The following UBL3 variants were observed in gnomAD, a reference collection of about 807,000 sequenced individuals.
The protein encoded by UBL3 is ubiquitin like 3, also known as ubiquitin-like protein 3.
A neutral mutation model predicts 18.4 loss-of-function variants in UBL3; 6 were observed. The ratio of observed to expected loss-of-function variants is 0.33; its 90% CI spans 0.18 to 0.64. The LOEUF (loss-of-function observed/expected upper bound fraction) is 0.64, where lower values mean the gene tolerates loss of function less well. Among genes scored for constraint, UBL3 ranks in the 30% least tolerant of loss-of-function variants. The pLI is 0.76. For missense variants in UBL3, 109 were observed against 142.9 expected (o/e 0.76, Z 1.21); for synonymous variants, 49 against 46.6 (o/e 1.05, Z -0.21).
chr13:29,800,157 C>A (rs1319868451), intron 1 of UBL3, among the ~76,000 whole-genome samples: 1 of 152,120 alleles, frequency 6.6e-6, no homozygotes, highest in Admixed American at 6.5e-5. Flanking sequence ...CCGCAAACAC[C>A]CTGCGGTCAA....
In UBL3 at chr13:29,772,211, CA is replaced by C; in HGVS notation, c.137-14del. 1 of 1,604,642 alleles carries C rather than the reference CA, an allele frequency of 6.2e-7. No homozygotes were observed. ...TCTTCTTCCCAGTCTGAAAAGAATC[CA>C]GTGTACTGGTTAGGTATATTCCAAC... On this transcript the variant is annotated splice_polypyrimidine_tract_variant and intron_variant, in intron 2 of 4. Transcript: ENST00000380680.
intron 1 of UBL3, among the ~76,000 whole-genome samples, chr13:29,815,838 T>C (rs1878263229): frequency 1.3e-5 from 2 of 152,208 alleles, no homozygotes; most frequent in African/African-American, 4.8e-5. Context: ...CATACAGGTC[T>C]ATCTTAGCTT....
intron 1 of UBL3, among the ~76,000 whole-genome samples, chr13:29,792,136 A>C (rs1011190709): frequency 6.6e-6 from 1 of 152,254 alleles, no homozygotes; most frequent in African/African-American, 2.4e-5. Flanking sequence ...TAATACTTTG[A>C]AAGGATGAAT....
chr13:29,781,598 T>C (rs1018981964), intron 1 of UBL3, among the ~76,000 whole-genome samples: 2 of 151,898 alleles, frequency 1.3e-5, no homozygotes, highest in East Asian at 3.9e-4. Context: ...GGAACGCTGA[T>C]AATAGGGGAG....
chr13:29,790,358 C>A (rs1300834026), intron 1 of UBL3, among the ~76,000 whole-genome samples: 1 of 152,146 alleles, frequency 6.6e-6, no homozygotes, highest in Non-Finnish European at 1.5e-5. Context: ...TCCTTTTAAA[C>A]CTGTGTCTAT....
chr13:29,824,172 G>T (rs1878554714), intron 1 of UBL3, among the ~76,000 whole-genome samples: 1 of 152,168 alleles, frequency 6.6e-6, no homozygotes, highest in African/African-American at 2.4e-5. Flanking sequence ...GAACATACAT[G>T]TGCATGTGTC....
chr13:29,767,145 G>A lies in UBL3; in HGVS notation c.*110C>T. The A allele has an allele frequency of 9.3e-7, 1 of 1,078,120 alleles. No homozygotes were observed. The highest frequency in any genetic ancestry group is 1.4e-6 in the Non-Finnish European group (1 of 738,738). The allele number at this position is 1,078,120 out of a possible 1,614,324, so 66.8% of individuals were successfully genotyped here. On this transcript the variant is annotated 3_prime_UTR_variant, in exon 5 of 5. Transcript: ENST00000380680. ...TGTTCATGTGGTAATTCAGTTCCAT[G>A]TGTTTACAGGCAGACTGTTCTGAAC...
At chr13:29,841,063 A>G (rs4769777) in intron 1 of UBL3, among the ~76,000 whole-genome samples, 49,118 of 152,042 alleles carry the variant, frequency 0.32, 9,755 homozygotes, top group Non-Finnish European at 0.43. Context: ...GTAAAGAAAA[A>G]CATATATCAT....
chr13:29,815,420 T>C (rs1377998408), intron 1 of UBL3, among the ~76,000 whole-genome samples: 1 of 152,194 alleles, frequency 6.6e-6, no homozygotes, highest in Non-Finnish European at 1.5e-5. Context: ...CCACCTACCA[T>C]AGATCAAAGA....
In UBL3 at chr13:29,774,737, C is replaced by T. The variant is rs182612487; in HGVS notation, c.136+2418G>A. Among the ~76,000 whole-genome samples the T allele has an allele frequency of 5.5e-3, 824 of 151,086 alleles. 8 individuals carry two copies. The highest frequency in any genetic ancestry group is 0.018 in the African/African-American group (754 of 41,138). On this transcript the variant is annotated intron_variant, in intron 2 of 4. Coordinates refer to ENST00000380680, the MANE Select transcript of UBL3 (RefSeq NM_007106.4). ...AGACATGTCCTTAGGGTCTAAAAGT[C>T]CTCTTCAAGAAGTTTTAAATTGTAT...
chr13:29,794,522 A>G (rs557183639), intron 1 of UBL3, among the ~76,000 whole-genome samples: 103 of 152,370 alleles, frequency 6.8e-4, no homozygotes, highest in Non-Finnish European at 1.4e-3. Context: ...CATGGCTGGT[A>G]GCAGATATGA....
chr13:29,800,384 A>T (rs1325348701), intron 1 of UBL3, among the ~76,000 whole-genome samples: 1 of 152,210 alleles, frequency 6.6e-6, no homozygotes, highest in East Asian at 1.9e-4. Context: ...GAGGAGAGAG[A>T]GGAGCACTTG....
Position 29,849,816 on chromosome 13 carries a change from AGCCCCAGGACCGGCC to A in UBL3, c.-293_-279del. On this transcript the variant is annotated 5_prime_UTR_variant, in exon 1 of 5. Transcript: ENST00000380680. ...CGTCGTCGTCGTCAACAGCAGCAGC[AGCCCCAGGACCGGCC>A]GCGCCAGGTGGACCGAGCCGAGTGA... The A allele has an allele frequency of 1.8e-6, 1 of 565,882 alleles. No homozygotes were observed. The highest frequency in any genetic ancestry group is 2.0e-5 in the South Asian group (1 of 49,194). The allele number at this position is 565,882 out of a possible 1,614,324, so 35.1% of individuals were successfully genotyped here.
intron 1 of UBL3, among the ~76,000 whole-genome samples, chr13:29,822,685 G>A (rs758111294): frequency 1.1e-4 from 16 of 152,024 alleles, no homozygotes; most frequent in Non-Finnish European, 2.2e-4. Flanking sequence ...TTACAGGCAC[G>A]AACCACCACA....
In UBL3 at chr13:29,765,018, T is replaced by C. The variant is rs1876630040; in HGVS notation, c.*2237A>G. 1 of 152,194 alleles carries C rather than the reference T, an allele frequency of 6.6e-6. No individual in the cohort carries two copies. Among genetic ancestry groups the C allele is most frequent in the Non-Finnish European group, 1.5e-5 (1 of 68,034 alleles). 9.4% of individuals were successfully genotyped at this position (152,194 alleles called of 1,614,324 possible). On this transcript the variant is annotated 3_prime_UTR_variant, in exon 5 of 5. Coordinates refer to ENST00000380680, the MANE Select transcript of UBL3 (RefSeq NM_007106.4). ...TTTTCATATTGTACAACTATGATAT[T>C]AGGTATTAAGCGACGTAATTCTTTC...
In UBL3 at chr13:29,767,734, C is replaced by T. The variant is rs373285321; in HGVS notation, c.224-39G>A. 4.1e-5 allele frequency: 64 copies of T among 1,556,898 alleles called. No homozygotes were observed. In the African/African-American group the frequency reaches 6.4e-4, roughly 16 times the overall value. On this transcript the variant is annotated intron_variant, in intron 3 of 4. Coordinates refer to ENST00000380680, the MANE Select transcript of UBL3 (RefSeq NM_007106.4). ...AAAAGATGATTAGTTACACATATAT[C>T]GACCTATTAAAATCACTATCCAGAT...
intron 1 of UBL3, among the ~76,000 whole-genome samples, chr13:29,839,410 C>A (rs1879037560): frequency 6.6e-6 from 1 of 152,082 alleles, no homozygotes. Context: ...AAATAATATA[C>A]AACAAACTTG....
At chr13:29,814,424 T>C (rs965959512) in intron 1 of UBL3, among the ~76,000 whole-genome samples, 2 of 151,804 alleles carry the variant, frequency 1.3e-5, no homozygotes, top group Admixed American at 6.6e-5. Context: ...TCATAAATAA[T>C]CATTTAATAT....
At chr13:29,777,570 A>C (rs1877034417) in intron 1 of UBL3, 1 of 440,040 alleles carries the variant, frequency 2.3e-6, no homozygotes, top group Non-Finnish European at 4.4e-6. Flanking sequence ...GAACTTTTGC[A>C]AGTTATCACT....
Sources: allele counts gnomAD v4.1 joint callset (sites outside exome capture counted in the v4.1 genomes callset), GRCh38; gene constraint gnomAD v4.1.1; transcripts MANE v1.5; gene names NCBI Gene and HGNC (gene_info 2026-07-23, HGNC 2026-07-21).